NME7: variants seen among roughly 807,000 people sequenced by gnomAD.
NME7 encodes NME/NM23 family member 7, also known as nucleoside diphosphate kinase 7.
NME7 carries 41 observed loss-of-function variants against 49.1 expected under a neutral mutation model. The ratio of observed to expected loss-of-function variants is 0.83; its 90% CI spans 0.65 to 1.08. The LOEUF is 1.08. Among genes scored for constraint, NME7 ranks in the 50% least tolerant of loss-of-function variants. The probability of loss-of-function intolerance (pLI) is 0.00; values close to 1 mark genes in which losing one functional copy is unlikely to be tolerated. For missense variants in NME7, 423 were observed against 463.4 expected (o/e 0.91, Z 0.80); for synonymous variants, 139 against 150.6 (o/e 0.92, Z 0.56).
chr1:169,342,262 G>C (rs1451174425), intron 1 of NME7, among the ~76,000 whole-genome samples: 1 of 151,832 alleles, frequency 6.6e-6, no homozygotes, highest in Non-Finnish European at 1.5e-5. Flanking sequence ...TTTTAAAAGT[G>C]GAAGCTTCCC....
chr1:169,294,821 G>A (rs562424071), intron 6 of NME7, among the ~76,000 whole-genome samples: 14 of 152,138 alleles, frequency 9.2e-5, no homozygotes, highest in Non-Finnish European at 2.1e-4. Context: ...AGGTGAAATG[G>A]CAATGGTAGC....
chr1:169,246,152 A>C (rs982065573), intron 7 of NME7, among the ~76,000 whole-genome samples: 2 of 152,096 alleles, frequency 1.3e-5, no homozygotes, highest in African/African-American at 4.8e-5. Flanking sequence ...ATATGAAAAA[A>C]AAAATTAGCC....
intron 1 of NME7, among the ~76,000 whole-genome samples, chr1:169,364,044 T>C (rs1396905665): frequency 6.6e-6 from 1 of 152,250 alleles, no homozygotes; most frequent in Non-Finnish European, 1.5e-5. Context: ...TGACAACTTT[T>C]CTGACTCTGA....
chr1:169,199,808 T>G (rs1298538057), intron 10 of NME7, among the ~76,000 whole-genome samples: 3 of 152,044 alleles, frequency 2.0e-5, no homozygotes, highest in Non-Finnish European at 4.4e-5. Flanking sequence ...AAATTCAGAA[T>G]TTTAGAGTTG....
At chr1:169,193,936 CA>C (rs1268937559) in intron 10 of NME7, among the ~76,000 whole-genome samples, 2 of 149,558 alleles carry the variant, frequency 1.3e-5, no homozygotes, top group African/African-American at 4.9e-5. Context: ...AGCCAAAGAG[CA>C]GTTAAAAAAA....
chr1:169,361,644 G>A (rs770750451), intron 1 of NME7, among the ~76,000 whole-genome samples: 5 of 152,076 alleles, frequency 3.3e-5, no homozygotes, highest in Non-Finnish European at 7.3e-5. Flanking sequence ...GCCAGGCGTG[G>A]TGGCATGCGC....
At chr1:169,348,059 T>C (rs965880059) in intron 1 of NME7, among the ~76,000 whole-genome samples, 1 of 152,210 alleles carries the variant, frequency 6.6e-6, no homozygotes, top group African/African-American at 2.4e-5. Context: ...AATGAGTCTT[T>C]TTGAATATTA....
intron 10 of NME7, among the ~76,000 whole-genome samples, chr1:169,211,383 G>T (rs921362274): frequency 6.6e-6 from 1 of 151,980 alleles, no homozygotes; most frequent in Admixed American, 6.6e-5. Context: ...ATCAGTTAAC[G>T]TTTCTCTGGG....
At chr1:169,187,327 C>A (rs1018546350) in intron 10 of NME7, among the ~76,000 whole-genome samples, 1 of 152,000 alleles carries the variant, frequency 6.6e-6, no homozygotes, top group African/African-American at 2.4e-5. Flanking sequence ...GTTGATCTGT[C>A]TAATATTGAG....
chr1:169,332,129 C>A (rs1016241422), intron 1 of NME7, among the ~76,000 whole-genome samples: 2 of 151,914 alleles, frequency 1.3e-5, no homozygotes, highest in Non-Finnish European at 2.9e-5. Flanking sequence ...GACACATAGA[C>A]CAATGGAACA....
chr1:169,179,608 T>C (rs1659866979), intron 10 of NME7, among the ~76,000 whole-genome samples: 1 of 152,274 alleles, frequency 6.6e-6, no homozygotes, highest in African/African-American at 2.4e-5. Context: ...ATATACACCA[T>C]GGAATACTAT....
At chr1:169,318,705 T>C (rs1005184365) in intron 3 of NME7, among the ~76,000 whole-genome samples, 16 of 152,044 alleles carry the variant, frequency 1.1e-4, no homozygotes, top group Admixed American at 9.2e-4. Context: ...GGTGATGACA[T>C]AAATTTGGAA....
chr1:169,322,545 T>C (rs1651891104), intron 3 of NME7: 1 of 152,120 alleles, frequency 6.6e-6, no homozygotes, highest in Non-Finnish European at 1.5e-5. Flanking sequence ...TTTTTAGGGA[T>C]ACAGTTATGA....
intron 6 of NME7, 77 bp downstream of exon 6, chr1:169,298,479 T>C: frequency 7.0e-7 from 1 of 1,430,376 alleles, no homozygotes; most frequent in Non-Finnish European, 9.6e-7. Flanking sequence ...AAGTCACCAG[T>C]GATAGAAATG....
chr1:169,171,222 GC>G (rs1659577836), intron 10 of NME7, among the ~76,000 whole-genome samples: 1 of 151,954 alleles, frequency 6.6e-6, no homozygotes, highest in Non-Finnish European at 1.5e-5. Context: ...ACAAAAATTA[GC>G]CAGGTGTAGT....
At chr1:169,325,011 T>C (rs1426256702) in intron 1 of NME7, among the ~76,000 whole-genome samples, 1 of 152,132 alleles carries the variant, frequency 6.6e-6, no homozygotes, top group Non-Finnish European at 1.5e-5. Context: ...AGTATCTTTT[T>C]ATAGAAATAG....
intron 10 of NME7, among the ~76,000 whole-genome samples, chr1:169,222,598 T>C (rs896173369): frequency 2.6e-5 from 4 of 152,188 alleles, no homozygotes; most frequent in African/African-American, 9.7e-5. Flanking sequence ...GAGACTTTGT[T>C]CTGTTAAGAC....
intron 1 of NME7, among the ~76,000 whole-genome samples, chr1:169,354,771 A>T (rs1239228463): frequency 2.2e-5 from 3 of 138,866 alleles, no homozygotes; most frequent in South Asian, 2.1e-4. Flanking sequence ...TATATGTTTT[A>T]TATATATATA....
In NME7 at chr1:169,203,406, G is replaced by A. The variant is rs142998499; in HGVS notation, c.990+27312C>T. Among the ~76,000 whole-genome samples the A allele has an allele frequency of 1.3e-3, 204 of 152,064 alleles. 2 individuals carry two copies. Among genetic ancestry groups the A allele is most frequent in the Admixed American group, 0.012 (189 of 15,270 alleles). ...CTCCAACCTCACTCTTTGTGTCCACGCTCCTTAATTCTCTTGATTGTGAGA... is the reference window on the plus strand; with the variant it reads ...CTCCAACCTCACTCTTTGTGTCCACACTCCTTAATTCTCTTGATTGTGAGA... On this transcript the variant is annotated intron_variant, in intron 10 of 11. Coordinates refer to ENST00000367811, the MANE Select transcript of NME7 (RefSeq NM_013330.5).
Sources: gnomAD v4.1 joint callset for allele counts (sites outside exome capture counted in the v4.1 genomes callset) on GRCh38, gnomAD v4.1.1 for gene constraint, MANE v1.5 for transcripts, NCBI Gene and HGNC (gene_info 2026-07-23, HGNC 2026-07-21) for gene names.